The following IFT74 variants were observed in gnomAD, a reference collection of about 807,000 sequenced individuals.
IFT74 encodes the protein intraflagellar transport 74.
A neutral mutation model predicts 96.7 loss-of-function variants in IFT74; 92 were observed. The observed-to-expected ratio is 0.95, with a 90% CI of 0.80 to 1.13. The LOEUF (loss-of-function observed/expected upper bound fraction) is 1.13, where lower values mean the gene tolerates loss of function less well. Ranked by LOEUF, IFT74 falls within the 50% of genes most tolerant of loss-of-function variation. IFT74 has a pLI of 0.00. For missense variants in IFT74, 811 were observed against 698.2 expected (o/e 1.16, Z -1.82); for synonymous variants, 223 against 213.2 (o/e 1.05, Z -0.40).
intron 1 of IFT74, among the ~76,000 whole-genome samples, chr9:26,948,467 T>A (rs1587210329): frequency 1.5e-4 from 15 of 97,302 alleles, no homozygotes; most frequent in East Asian, 7.2e-4. Flanking sequence ...TTTTTTTTTT[T>A]TTTTTTTTTT....
chr9:26,998,166 C>CA (rs749865652), intron 8 of IFT74: 2 of 1,595,606 alleles, frequency 1.3e-6, no homozygotes, highest in Non-Finnish European at 1.7e-6. Context: ...TAACTGAGAT[C>CA]AAGTATAGTA....
At chr9:27,046,076 A>G (rs1278806340) in intron 14 of IFT74, among the ~76,000 whole-genome samples, 4 of 152,310 alleles carry the variant, frequency 2.6e-5, no homozygotes, top group South Asian at 4.1e-4. Flanking sequence ...TTCTTTCCAC[A>G]TATTAATTAT....
intron 19 of IFT74, among the ~76,000 whole-genome samples, chr9:27,061,522 ACCTCGG>A (rs1333834849): frequency 6.6e-6 from 1 of 151,742 alleles, no homozygotes; most frequent in African/African-American, 2.4e-5. Flanking sequence ...GCTCAATCCC[ACCTCGG>A]CCTGCTCAAG....
At chr9:27,044,656 A>G (rs1417965740) in intron 13 of IFT74, 86 bp from the exon 14 acceptor site, 5 of 757,884 alleles carry the variant, frequency 6.6e-6, no homozygotes, top group South Asian at 1.6e-5. Flanking sequence ...GACTAATGGC[A>G]TAGAGAGAAC....
At chr9:26,956,904 CT>C (rs1239436548) in intron 1 of IFT74, among the ~76,000 whole-genome samples, 21 of 152,332 alleles carry the variant, frequency 1.4e-4, no homozygotes, top group African/African-American at 4.8e-4. Flanking sequence ...GAATGGTTGG[CT>C]TAGGGAGGAT....
At chr9:27,020,775 A>G (rs1335148402) in intron 12 of IFT74, among the ~76,000 whole-genome samples, 3 of 151,916 alleles carry the variant, frequency 2.0e-5, no homozygotes, top group Admixed American at 6.6e-5. Flanking sequence ...CGCCTGGCCT[A>G]TCTTTTTTAC....
In IFT74 at chr9:27,048,150, T is replaced by C; in HGVS notation, c.1209T>C (p.Asn403=). 6.4e-7 allele frequency: 1 copy of C among 1,565,126 alleles called. No homozygotes were observed. Among genetic ancestry groups the C allele is most frequent in the Non-Finnish European group, 8.7e-7 (1 of 1,155,536 alleles). The stretch of plus-strand genomic sequence containing the variant: ...TTTTTATTTCTCTGCAAATGCAGAA[T>C]ATAAATCGTATAGAACAGATATCCT... ...IVALLEHCSR[N]INRIEQISSI... is the part of the protein sequence containing the mutation. Residue 403 remains asparagine, a splice_region_variant and synonymous_variant, in exon 16 of 20, where the codon AAT becomes AAC. Transcript: ENST00000380062.
At chr9:27,014,980 G>A (rs1263109317) in intron 10 of IFT74, among the ~76,000 whole-genome samples, 1 of 152,174 alleles carries the variant, frequency 6.6e-6, no homozygotes, top group Non-Finnish European at 1.5e-5. Context: ...CAATCAACTA[G>A]TATTTTTTGA....
At chr9:26,955,362 ACT>A (rs768124206), upstream of IFT74, among the ~76,000 whole-genome samples, 41 of 151,950 alleles carry the variant, frequency 2.7e-4, no homozygotes, top group African/African-American at 6.5e-4. Flanking sequence ...ACTTCAACAG[ACT>A]CTCTGAAGTC....
At chr9:26,989,257 G>A (rs1827769257) in intron 7 of IFT74, among the ~76,000 whole-genome samples, 1 of 152,064 alleles carries the variant, frequency 6.6e-6, no homozygotes, top group African/African-American at 2.4e-5. Context: ...TTACCTAGCA[G>A]GTACAGTGTT....
chr9:26,971,219 T>C (rs2131506674), intron 2 of IFT74, among the ~76,000 whole-genome samples: 1 of 152,334 alleles, frequency 6.6e-6, no homozygotes, highest in Non-Finnish European at 1.5e-5. Flanking sequence ...CATTTTAGTG[T>C]AGTTAATTTT....
intron 3 of IFT74, among the ~76,000 whole-genome samples, chr9:26,980,091 A>G (rs556370032): frequency 3.3e-5 from 5 of 152,302 alleles, no homozygotes; most frequent in African/African-American, 1.2e-4. Flanking sequence ...AAAAAATCAT[A>G]GTCACTTTCT....
intron 1 of IFT74, among the ~76,000 whole-genome samples, chr9:26,960,449 C>G (rs1376859397): frequency 6.6e-6 from 1 of 152,152 alleles, no homozygotes; most frequent in African/African-American, 2.4e-5. Flanking sequence ...CAAAAATTTA[C>G]TGAAACAATG....
At chr9:27,005,239 T>C (rs1828705414) in intron 8 of IFT74, among the ~76,000 whole-genome samples, 1 of 151,720 alleles carries the variant, frequency 6.6e-6, no homozygotes, top group African/African-American at 2.4e-5. Flanking sequence ...ATGGCCAGTC[T>C]TTTTTTTATC....
chr9:26,980,139 CA>C (rs551315269), intron 3 of IFT74, among the ~76,000 whole-genome samples: 208 of 152,278 alleles, frequency 1.4e-3, no homozygotes, highest in African/African-American at 4.7e-3. Context: ...GTATGACAGC[CA>C]GTAGTCAGAA....
In IFT74 at chr9:26,998,347, A is replaced by G. The variant is rs12341712; in HGVS notation, c.587+8152A>G. ...GACATTAGAAGGACGTTATTTTGGG[A>G]AAAAAACCTACTATCTAATATTTTG... On this transcript the variant is annotated intron_variant, in intron 8 of 19. Transcript: ENST00000380062. 1,835 of 627,434 alleles carry G rather than the reference A, an allele frequency of 2.9e-3. 26 individuals carry two copies. Among genetic ancestry groups the G allele is most frequent in the African/African-American group, 0.029 (1,525 of 52,814 alleles). The allele number at this position is 627,434 out of a possible 1,614,324, so 38.9% of individuals were successfully genotyped here. A position where few individuals can be genotyped will look rare whatever the true frequency, so the allele number is the denominator to read the frequency against.
intron 13 of IFT74, among the ~76,000 whole-genome samples, chr9:27,032,409 A>C (rs1308167253): frequency 6.6e-6 from 1 of 152,164 alleles, no homozygotes; most frequent in Admixed American, 6.5e-5. Context: ...TATAAGCCTT[A>C]ATTACCTAGA....
chr9:26,954,633 TA>T (rs1229219562), upstream of IFT74, among the ~76,000 whole-genome samples: 1 of 150,802 alleles, frequency 6.6e-6, no homozygotes, highest in Non-Finnish European at 1.5e-5. Context: ...AAGACCTCTC[TA>T]ATAAAAGACA....
intron 13 of IFT74, among the ~76,000 whole-genome samples, chr9:27,032,209 C>G (rs942316312): frequency 2.6e-5 from 4 of 152,210 alleles, no homozygotes; most frequent in South Asian, 2.1e-4. Flanking sequence ...TTTCTCAAGT[C>G]TGCTAGGTCA....
Sources: gnomAD v4.1 joint callset for allele counts (sites outside exome capture counted in the v4.1 genomes callset) on GRCh38, gnomAD v4.1.1 for gene constraint, MANE v1.5 for transcripts, NCBI Gene and HGNC (gene_info 2026-07-23, HGNC 2026-07-21) for gene names.